Variants in TSHR observed in about 807,000 individuals in gnomAD.
The protein encoded by TSHR is thyrotropin receptor.
In TSHR, 51 loss-of-function variants were observed where a neutral mutation model predicts 64.1. That is an observed-to-expected ratio of 0.80 (90% CI 0.64 to 1.01). The LOEUF (loss-of-function observed/expected upper bound fraction) is 1.01. Ranked by LOEUF, TSHR falls within the 50% of genes least tolerant of loss-of-function variation. The pLI is 0.00. For synonymous variants in TSHR, 361 were observed against 361.9 expected, an observed-to-expected ratio of 1.00 and a Z score of 0.03; for missense variants, 877 against 942.8, an observed-to-expected ratio of 0.93 and a Z score of 0.91.
At chr14:80,957,111 C>G (rs956331727) in intron 1 of TSHR, among the ~76,000 whole-genome samples, 2 of 152,156 alleles carry the variant, frequency 1.3e-5, no homozygotes, top group African/African-American at 4.8e-5. Context: ...CCCCAAAGGT[C>G]CCTGCTGTTA....
rs549369575 is a variant in TSHR at position 81,072,692 on chromosome 14, G to A, written c.317+4364G>A. Among the ~76,000 whole-genome samples, 4 of 152,050 alleles carry A rather than the reference G, an allele frequency of 2.6e-5. No individual in the cohort carries two copies. In the East Asian group the frequency reaches 5.8e-4, roughly 22 times the overall value. On this transcript the variant is annotated intron_variant, in intron 3 of 9. Transcript: ENST00000298171. ...ATTGATTGCTGAATTTTTAATACTC[G>A]CTGTATGCTGCTTACAAGAGACATT...
intron 1 of TSHR, chr14:80,982,476 T>C: frequency 3.7e-6 from 4 of 1,077,648 alleles, no homozygotes; most frequent in Non-Finnish European, 5.1e-6. Context: ...AACCTAGGTC[T>C]GGGGCTGAGG....
chr14:81,074,485 T>A (rs920962834), intron 3 of TSHR, among the ~76,000 whole-genome samples: 4 of 152,154 alleles, frequency 2.6e-5, no homozygotes, highest in Admixed American at 2.0e-4. Context: ...GTTTTGTGGG[T>A]ATAAGGCATG....
At chr14:81,123,143 T>A (rs1002829064) in intron 8 of TSHR, among the ~76,000 whole-genome samples, 23 of 107,188 alleles carry the variant, frequency 2.1e-4, no homozygotes, top group Non-Finnish European at 3.2e-4. Flanking sequence ...AAAAAAAAAT[T>A]AACACTTAAT....
At chr14:81,120,355 C>T (rs985606712) in intron 8 of TSHR, among the ~76,000 whole-genome samples, 2 of 152,056 alleles carry the variant, frequency 1.3e-5, no homozygotes, top group African/African-American at 2.4e-5. Flanking sequence ...ACATGAAAAA[C>T]GTCAATGTCT....
At chr14:81,127,591 T>C (rs1420204112) in intron 8 of TSHR, among the ~76,000 whole-genome samples, 1 of 152,146 alleles carries the variant, frequency 6.6e-6, no homozygotes, top group Non-Finnish European at 1.5e-5. Flanking sequence ...TTCCCACATG[T>C]TGTGGGAGGG....
At chr14:80,958,440 C>T (rs1279527274) in intron 1 of TSHR, among the ~76,000 whole-genome samples, 3 of 152,140 alleles carry the variant, frequency 2.0e-5, no homozygotes, top group African/African-American at 7.2e-5. Flanking sequence ...CACCAGTGTT[C>T]CCCTGATGGT....
chr14:81,028,304 G>C lies in TSHR; in HGVS notation c.171-33844G>C, dbSNP rs185530731. Among the ~76,000 whole-genome samples the C allele has an allele frequency of 3.3e-5, 5 of 152,128 alleles. No individual in the cohort carries two copies. In the East Asian group the frequency reaches 9.6e-4, roughly 29 times the overall value. Reference sequence around the variant, plus strand: ...CTGGTAAGAAAAATTAGCAAAGCAGGATTCAAAAAAATTTAATCGCAAAAT... The same window carrying C: ...CTGGTAAGAAAAATTAGCAAAGCAGCATTCAAAAAAATTTAATCGCAAAAT... On this transcript the variant is annotated intron_variant, in intron 1 of 9. Transcript: ENST00000298171.
intron 1 of TSHR, among the ~76,000 whole-genome samples, chr14:81,003,996 G>A (rs1207279071): frequency 1.3e-5 from 2 of 152,164 alleles, no homozygotes; most frequent in South Asian, 4.2e-4. Context: ...TGACCTTTTT[G>A]CCCATAACCC....
At chr14:80,985,947 T>G (rs1408290405) in intron 1 of TSHR, among the ~76,000 whole-genome samples, 1 of 152,232 alleles carries the variant, frequency 6.6e-6, no homozygotes, top group African/African-American at 2.4e-5. Flanking sequence ...CTGTCACATG[T>G]GCTGACATCT....
At chr14:81,125,885 G>A (rs1891002256) in intron 8 of TSHR, among the ~76,000 whole-genome samples, 1 of 151,774 alleles carries the variant, frequency 6.6e-6, no homozygotes, top group Admixed American at 6.6e-5. Flanking sequence ...CACATCTCCA[G>A]AGGCACAGCA....
intron 1 of TSHR, among the ~76,000 whole-genome samples, chr14:80,987,656 C>T (rs533278189): frequency 2.6e-5 from 4 of 152,316 alleles, no homozygotes; most frequent in Admixed American, 2.6e-4. Flanking sequence ...AATTAGCTTA[C>T]ATCGTCAATG....
Position 81,099,654 on chromosome 14 carries a change from A to G in TSHR, c.614+2947A>G, listed in dbSNP as rs1029250041. ...AGTCCACGAGAACCTGACTTTACCAATGCTGCAAAGCCATTCGTGAGCTTC... is the reference window on the plus strand; with the variant it reads ...AGTCCACGAGAACCTGACTTTACCAGTGCTGCAAAGCCATTCGTGAGCTTC... On this transcript the variant is annotated intron_variant, in intron 7 of 9. Coordinates refer to ENST00000298171, the MANE Select transcript of TSHR (RefSeq NM_000369.5). 6 of 152,322 alleles carry G rather than the reference A, an allele frequency of 3.9e-5. No homozygotes were observed. The South Asian group carries it at 1.0e-3, about 26-fold the overall frequency. The allele number at this position is 152,322 out of a possible 1,614,324, so 9.4% of individuals were successfully genotyped here. A position where few individuals can be genotyped will look rare whatever the true frequency, so the allele number is the denominator to read the frequency against.
chr14:81,072,596 T>C (rs1046789870), intron 3 of TSHR, among the ~76,000 whole-genome samples: 1 of 152,008 alleles, frequency 6.6e-6, no homozygotes, highest in African/African-American at 2.4e-5. Flanking sequence ...TAGATTTAAC[T>C]CCAAATAATC....
At chr14:80,957,012 C>T (rs577605428) in intron 1 of TSHR, among the ~76,000 whole-genome samples, 1 of 152,268 alleles carries the variant, frequency 6.6e-6, no homozygotes, top group African/African-American at 2.4e-5. Context: ...TGCAGCCTAC[C>T]AGATCTTTCA....
intron 7 of TSHR, among the ~76,000 whole-genome samples, chr14:81,105,857 T>C (rs1889856679): frequency 6.6e-6 from 1 of 152,174 alleles, no homozygotes; most frequent in Admixed American, 6.5e-5. Context: ...AGCTGCATTG[T>C]CCAGAGAATA....
In TSHR at chr14:80,965,131, T is replaced by C. The variant is rs186232866; in HGVS notation, c.170+9281T>C. On this transcript the variant is annotated intron_variant, in intron 1 of 9. Coordinates refer to ENST00000298171, the MANE Select transcript of TSHR (RefSeq NM_000369.5). ...AGGGCAGGGAGGAGGAGGTAACGAT[T>C]GGTCGGCTGCTTAATTGATCATGGG... 1.0e-3 allele frequency among the ~76,000 whole-genome samples: 158 copies of C among 152,300 alleles called. 1 individual carries two copies. The highest frequency in any genetic ancestry group is 3.7e-3 in the African/African-American group (154 of 41,556).
At chr14:81,088,897 T>C (rs910862949) in intron 4 of TSHR, among the ~76,000 whole-genome samples, 3 of 151,618 alleles carry the variant, frequency 2.0e-5, no homozygotes, top group Non-Finnish European at 4.4e-5. Flanking sequence ...AATGGGGAGA[T>C]AGAAAAGAAA....
In TSHR at chr14:81,111,678, G is replaced by A. The variant is rs371884052; in HGVS notation, c.692+3226G>A. ...TAAACTCTTACTCTTCCTACTGTCT[G>A]GAAAACCCTGCTATAATCTTGTCTT... is the stretch of plus-strand genomic sequence containing the variant. On this transcript the variant is annotated intron_variant, in intron 8 of 9. Transcript: ENST00000298171. 3.5e-4 allele frequency among the ~76,000 whole-genome samples: 53 copies of A among 152,200 alleles called. 1 individual carries two copies. The East Asian group carries it at 7.9e-3, about 23-fold the overall frequency.
Sources: gnomAD v4.1 joint callset for allele counts (sites outside exome capture counted in the v4.1 genomes callset) on GRCh38, gnomAD v4.1.1 for gene constraint, MANE v1.5 for transcripts, NCBI Gene and HGNC (gene_info 2026-07-23, HGNC 2026-07-21) for gene names.